The following CHP1 variants were observed in gnomAD, a reference collection of about 807,000 sequenced individuals.
CHP1 encodes the protein calcineurin like EF-hand protein 1.
A neutral mutation model predicts 27.4 loss-of-function variants in CHP1; 11 were observed. The ratio of observed to expected loss-of-function variants is 0.40; its 90% CI spans 0.25 to 0.67. The LOEUF (loss-of-function observed/expected upper bound fraction) is 0.67, where lower values mean the gene tolerates loss of function less well. CHP1 is among the 30% of genes least tolerant of loss of function. The pLI is 0.38. For synonymous variants in CHP1, 89 were observed against 87.4 expected (o/e 1.02, Z -0.10); for missense variants, 169 against 251.3 (o/e 0.67, Z 2.22).
At chr15:41,273,263 A>G (rs1219495607) in intron 5 of CHP1, among the ~76,000 whole-genome samples, 1 of 152,228 alleles carries the variant, frequency 6.6e-6, no homozygotes, top group African/African-American at 2.4e-5. Context: ...TTAACATTAG[A>G]AAATCAACCA....
In CHP1 at chr15:41,281,163, A is replaced by T. The variant is rs992588477; in HGVS notation, c.*1774A>T. The T allele has an allele frequency of 2.0e-5, 3 of 152,166 alleles. No individual in the cohort carries two copies. The highest frequency in any genetic ancestry group is 7.2e-5 in the African/African-American group (3 of 41,434). The allele number at this position is 152,166 out of a possible 1,614,324, so 9.4% of individuals were successfully genotyped here. A position where few individuals can be genotyped will look rare whatever the true frequency, so the allele number is the denominator to read the frequency against. Reference sequence around the variant, plus strand: ...CATGAGCCACCGTGCTCAGCCGCAAAATTCTTTATGAATTTTACACTTGGC... The same window carrying T: ...CATGAGCCACCGTGCTCAGCCGCAATATTCTTTATGAATTTTACACTTGGC... On this transcript the variant is annotated 3_prime_UTR_variant, in exon 7 of 7. Coordinates refer to ENST00000334660, the MANE Select transcript of CHP1 (RefSeq NM_007236.5).
At chr15:41,240,900 T>G (rs1383824734) in intron 1 of CHP1, among the ~76,000 whole-genome samples, 1 of 152,000 alleles carries the variant, frequency 6.6e-6, no homozygotes, top group Non-Finnish European at 1.5e-5. Context: ...GTCACCAGTC[T>G]GGAGTGCAGT....
intron 3 of CHP1, 43 bp from the exon 4 acceptor site, chr15:41,262,713 C>A (rs2047439534): frequency 6.2e-7 from 1 of 1,605,580 alleles, no homozygotes; most frequent in Non-Finnish European, 8.5e-7. Context: ...GAAATAATCA[C>A]CGTGATTGAC....
intron 2 of CHP1, among the ~76,000 whole-genome samples, chr15:41,246,650 T>A (rs2047336284): frequency 7.9e-6 from 1 of 126,842 alleles, no homozygotes; most frequent in Non-Finnish European, 1.7e-5. Context: ...TTTTTTTTTT[T>A]GAGAGAGAGT....
In CHP1 at chr15:41,281,487, A is replaced by T. The variant is rs548967983; in HGVS notation, c.*2098A>T. 14 of 152,744 alleles carry T rather than the reference A, an allele frequency of 9.2e-5. No homozygotes were observed. In the East Asian group the frequency reaches 2.7e-3, roughly 29 times the overall value. The allele number at this position is 152,744 out of a possible 1,614,324, so 9.5% of individuals were successfully genotyped here. ...TTAGCCACACATCTGCCCTTGGTTG[A>T]CTTTCTGACTCATTGCTTGCTTGCT... is the stretch of plus-strand genomic sequence containing the variant. On this transcript the variant is annotated 3_prime_UTR_variant, in exon 7 of 7. Coordinates refer to ENST00000334660, the MANE Select transcript of CHP1 (RefSeq NM_007236.5).
At chr15:41,231,502 C>T in intron 1 of CHP1, 53 bp downstream of exon 1, 1 of 1,536,014 alleles carries the variant, frequency 6.5e-7, no homozygotes, top group Non-Finnish European at 8.9e-7. Context: ...GGCCTCACAA[C>T]CAAGGGCGGC....
chr15:41,262,919 C>T lies in CHP1; in HGVS notation c.349+36C>T, dbSNP rs2047440816. ...AAAGTCTTCTGGCTTAAAATACTTG[C>T]TTTTCATTTCTTAAAAGTCATGTAT... is the stretch of plus-strand genomic sequence containing the variant. On this transcript the variant is annotated intron_variant, in intron 4 of 6. Transcript: ENST00000334660. The T allele has an allele frequency of 4.4e-6, 7 of 1,606,608 alleles. No individual in the cohort carries two copies. In the African/African-American group the frequency reaches 8.0e-5, roughly 18 times the overall value.
At position 41,277,381 on chromosome 15, in the gene CHP1, C is replaced by T. The variant is rs903142283; in HGVS notation, c.412-1386C>T. On this transcript the variant is annotated intron_variant, in intron 5 of 6. Coordinates refer to ENST00000334660, the MANE Select transcript of CHP1 (RefSeq NM_007236.5). Reference sequence around the variant, plus strand: ...ATCTGTGGCTGGGCATGGTGGCTCACGCCTATAATCTCGGCACTTTGGGAG... The same window carrying T: ...ATCTGTGGCTGGGCATGGTGGCTCATGCCTATAATCTCGGCACTTTGGGAG... 5.3e-5 allele frequency among the ~76,000 whole-genome samples: 8 copies of T among 152,170 alleles called. No individual in the cohort carries two copies. The East Asian group carries it at 7.7e-4, about 15-fold the overall frequency.
chr15:41,258,302 A>G (rs566058984), intron 3 of CHP1, among the ~76,000 whole-genome samples: 11 of 152,244 alleles, frequency 7.2e-5, no homozygotes, highest in Non-Finnish European at 1.0e-4. Flanking sequence ...ACATATCCAT[A>G]GTATAGTTAT....
At chr15:41,256,490 G>C (rs1387477373) in intron 2 of CHP1, among the ~76,000 whole-genome samples, 2 of 152,106 alleles carry the variant, frequency 1.3e-5, no homozygotes, top group Non-Finnish European at 2.9e-5. Flanking sequence ...TCTTAACAAG[G>C]ATATGGAGAC....
At chr15:41,255,401 G>A (rs1423035364) in intron 2 of CHP1, among the ~76,000 whole-genome samples, 5 of 152,326 alleles carry the variant, frequency 3.3e-5, no homozygotes, top group Admixed American at 1.3e-4. Context: ...GACTGGGTGC[G>A]GTGGCTCACG....
chr15:41,254,630 C>T (rs1022724760), intron 2 of CHP1, among the ~76,000 whole-genome samples: 5 of 152,150 alleles, frequency 3.3e-5, no homozygotes, highest in African/African-American at 9.7e-5. Flanking sequence ...ACTAAATGGT[C>T]AAGAAGGACT....
intron 4 of CHP1, among the ~76,000 whole-genome samples, chr15:41,266,769 A>G (rs577241096): frequency 9.2e-5 from 14 of 152,318 alleles, no homozygotes; most frequent in Admixed American, 7.2e-4. Flanking sequence ...TGGGAGGCCA[A>G]GGTGGGTGAA....
intron 3 of CHP1, 89 bp downstream of exon 3, chr15:41,257,079 A>C: frequency 1.0e-6 from 1 of 987,458 alleles, no homozygotes; most frequent in South Asian, 1.5e-5. Flanking sequence ...TGGTTGTGCC[A>C]TCTCAGACTG....
At chr15:41,262,939 A>T in intron 4 of CHP1, 56 bp downstream of exon 4, 2 of 1,599,572 alleles carry the variant, frequency 1.3e-6, no homozygotes, top group Admixed American at 1.7e-5. Context: ...CTTAAAAGTC[A>T]TGTATTTACT....
Position 41,279,402 on chromosome 15 carries a change from T to C in CHP1, c.*13T>C, listed in dbSNP as rs548507231. On this transcript the variant is annotated 3_prime_UTR_variant, in exon 7 of 7. Transcript: ENST00000334660. ...ATTTCTTCACTAAAGGAGACCAAAC[T>C]GTTCCTTGCGGTCTAGTATTTAAGA... 2.5e-6 allele frequency: 4 copies of C among 1,610,322 alleles called. No individual in the cohort carries two copies. The highest frequency in any genetic ancestry group is 3.4e-6 in the Non-Finnish European group (4 of 1,178,034).
intron 1 of CHP1, among the ~76,000 whole-genome samples, chr15:41,236,850 A>G (rs1469182305): frequency 1.4e-5 from 2 of 144,854 alleles, no homozygotes; most frequent in African/African-American, 5.2e-5. Context: ...TTTTTTTGAG[A>G]CAGAGTCTTG....
intron 1 of CHP1, among the ~76,000 whole-genome samples, chr15:41,233,658 G>A (rs766229958): frequency 3.3e-5 from 5 of 152,218 alleles, no homozygotes; most frequent in Non-Finnish European, 5.9e-5. Context: ...TGGTTGGGGA[G>A]ATAAGCCCAA....
At position 41,236,300 on chromosome 15, in the gene CHP1, C is replaced by T. The variant is rs912084180; in HGVS notation, c.67+4851C>T. Among the ~76,000 whole-genome samples the T allele has an allele frequency of 3.9e-5, 6 of 151,956 alleles. No homozygotes were observed. The South Asian group carries it at 6.2e-4, about 16-fold the overall frequency. ...TTTTTCAGACAGGGTCTTGCTCTGT[C>T]ATCCAGGCTGGAGTGCAATGGCATG... is the stretch of plus-strand genomic sequence containing the variant. On this transcript the variant is annotated intron_variant, in intron 1 of 6. Coordinates refer to ENST00000334660, the MANE Select transcript of CHP1 (RefSeq NM_007236.5).
Sources: allele counts gnomAD v4.1 joint callset (sites outside exome capture counted in the v4.1 genomes callset), GRCh38; gene constraint gnomAD v4.1.1; transcripts MANE v1.5; gene names NCBI Gene and HGNC (gene_info 2026-07-23, HGNC 2026-07-21).